FYB2: variants seen among roughly 807,000 people sequenced by gnomAD.
The protein encoded by FYB2 is FYN-binding protein 2.
Under a neutral mutation model 94.1 loss-of-function variants are expected in FYB2, and 103 were observed. That is an observed-to-expected ratio of 1.09 (90% CI 0.93 to 1.29). The LOEUF (loss-of-function observed/expected upper bound fraction) is 1.29. Among genes scored for constraint, FYB2 ranks in the 50% most tolerant of loss-of-function variants. FYB2 has a pLI of 0.00. For synonymous variants in FYB2, 293 were observed against 287.9 expected (o/e 1.02, Z -0.18); for missense variants, 896 against 841.5 (o/e 1.06, Z -0.80).
intron 16 of FYB2, among the ~76,000 whole-genome samples, chr1:56,725,915 A>G (rs553267214): frequency 6.6e-6 from 1 of 152,054 alleles, no homozygotes; most frequent in Non-Finnish European, 1.5e-5. Context: ...TGTCCTAGCA[A>G]TTGAGAAGAT....
At chr1:56,740,348 A>G (rs999837822) in intron 13 of FYB2, among the ~76,000 whole-genome samples, 1 of 152,120 alleles carries the variant, frequency 6.6e-6, no homozygotes, top group Non-Finnish European at 1.5e-5. Flanking sequence ...TAGGGCCCCA[A>G]AAGCATAAAA....
At chr1:56,821,238 G>A (rs1557682578), upstream of FYB2, among the ~76,000 whole-genome samples, 1 of 152,194 alleles carries the variant, frequency 6.6e-6, no homozygotes, top group Non-Finnish European at 1.5e-5. Flanking sequence ...CCTCAGGCCA[G>A]CCTACACTGG....
At chr1:56,808,397 C>T (rs567615222) in intron 1 of FYB2, among the ~76,000 whole-genome samples, 26 of 152,264 alleles carry the variant, frequency 1.7e-4, no homozygotes, top group African/African-American at 4.8e-4. Flanking sequence ...TGTTTTCAGC[C>T]AAAATTGATG....
At chr1:56,793,287 T>C (rs1361705936) in intron 1 of FYB2, among the ~76,000 whole-genome samples, 1 of 152,204 alleles carries the variant, frequency 6.6e-6, no homozygotes, top group Non-Finnish European at 1.5e-5. Context: ...ACAATTTTCT[T>C]AGACCCTCCT....
Position 56,722,278 on chromosome 1 carries a change from C to T in FYB2, c.1974+1310G>A, listed in dbSNP as rs1392373278. Among the ~76,000 whole-genome samples, 5 of 152,154 alleles carry T rather than the reference C, an allele frequency of 3.3e-5. No individual in the cohort carries two copies. In the East Asian group the frequency reaches 9.6e-4, roughly 29 times the overall value. ...ATTTGTGTACATTCCTATTTTAGTTCATCTCAAAAAATATTTTATGCATGT... is the reference window on the plus strand; with the variant it reads ...ATTTGTGTACATTCCTATTTTAGTTTATCTCAAAAAATATTTTATGCATGT... On this transcript the variant is annotated intron_variant, in intron 17 of 19. Coordinates refer to ENST00000343433, the MANE Select transcript of FYB2 (RefSeq NM_001004303.5).
At chr1:56,732,593 T>C (rs1465366087) in intron 15 of FYB2, among the ~76,000 whole-genome samples, 1 of 152,116 alleles carries the variant, frequency 6.6e-6, no homozygotes, top group Non-Finnish European at 1.5e-5. Context: ...TACAAAGCTC[T>C]AGTAATCAAA....
At chr1:56,811,097 A>T (rs760649821) in intron 1 of FYB2, among the ~76,000 whole-genome samples, 11 of 152,138 alleles carry the variant, frequency 7.2e-5, no homozygotes, top group Non-Finnish European at 1.0e-4. Context: ...ATATTAAATC[A>T]TAGATGCTCT....
rs1276943097 is a variant in FYB2 at position 56,792,145 on chromosome 1, T to C, written c.668A>G (p.Lys223Arg). 1.2e-6 allele frequency: 2 copies of C among 1,614,032 alleles called. No individual in the cohort carries two copies. Among genetic ancestry groups the C allele is most frequent in the South Asian group, 1.1e-5 (1 of 91,036 alleles). Residue 223 changes from lysine to arginine, a missense_variant, in exon 2 of 20, where the codon AAA becomes AGA. Transcript: ENST00000343433. The part of the protein sequence containing the change: ...PSFVISQHIR[K>R]SWENPPPERS... ...CTCAGGAGGTGGGTTTTCCCAGCTT[T>C]TTCTGATATGTTGAGAAATTACAAA...
At chr1:56,775,446 C>T (rs1040997017) in intron 4 of FYB2, among the ~76,000 whole-genome samples, 1 of 152,122 alleles carries the variant, frequency 6.6e-6, no homozygotes, top group Non-Finnish European at 1.5e-5. Context: ...ATTCATAAGG[C>T]AGGCATGGGA....
At chr1:56,725,455 A>G (rs1557580863) in intron 16 of FYB2, among the ~76,000 whole-genome samples, 1 of 152,066 alleles carries the variant, frequency 6.6e-6, no homozygotes, top group East Asian at 1.9e-4. Flanking sequence ...TCTGTTGTAA[A>G]AAAATAAAAA....
At chr1:56,795,384 TG>T (rs1646372789) in intron 1 of FYB2, among the ~76,000 whole-genome samples, 2 of 152,212 alleles carry the variant, frequency 1.3e-5, no homozygotes, top group Admixed American at 1.3e-4. Context: ...CATCCGTCAA[TG>T]GAGAGTCAGA....
chr1:56,764,029 C>A (rs1645564746), intron 5 of FYB2, among the ~76,000 whole-genome samples: 1 of 151,766 alleles, frequency 6.6e-6, no homozygotes. Flanking sequence ...CAGCTCACTG[C>A]CACCTCTGCC....
intron 4 of FYB2, among the ~76,000 whole-genome samples, chr1:56,776,009 G>T (rs1345821317): frequency 1.3e-5 from 2 of 152,136 alleles, no homozygotes; most frequent in Non-Finnish European, 2.9e-5. Flanking sequence ...GGAAACTGAG[G>T]CTTGGAGATA....
intron 2 of FYB2, 139 bp from the exon 3 acceptor site, chr1:56,789,273 A>G: frequency 1.1e-6 from 1 of 940,138 alleles, no homozygotes; most frequent in Non-Finnish European, 1.6e-6. Flanking sequence ...TGATCAATAC[A>G]TAAACCTGAT....
rs533023002 is a variant in FYB2 at position 56,731,277 on chromosome 1, A to G, written c.1794-4694T>C. 4.9e-4 allele frequency among the ~76,000 whole-genome samples: 74 copies of G among 152,200 alleles called. 2 individuals are homozygous for G. The South Asian group carries it at 0.015, about 31-fold the overall frequency. On this transcript the variant is annotated intron_variant, in intron 15 of 19. Coordinates refer to ENST00000343433, the MANE Select transcript of FYB2 (RefSeq NM_001004303.5). ...ACCTGGATCTCAGACCTACCTCTGT[A>G]CTCAATAGCGTGGACAAGTTAGTTA...
At chr1:56,721,625 G>T (rs911487149) in intron 17 of FYB2, among the ~76,000 whole-genome samples, 4 of 151,552 alleles carry the variant, frequency 2.6e-5, no homozygotes, top group African/African-American at 9.7e-5. Flanking sequence ...GATCCACACT[G>T]CTTAGCTCGA....
At chr1:56,745,243 C>A (rs1041196506) in intron 9 of FYB2, among the ~76,000 whole-genome samples, 1 of 152,020 alleles carries the variant, frequency 6.6e-6, no homozygotes, top group South Asian at 2.1e-4. Context: ...TTTATGCCTT[C>A]ATTTTAAAAA....
At chr1:56,732,003 A>C (rs1644722384) in intron 15 of FYB2, 1 of 152,166 alleles carries the variant, frequency 6.6e-6, no homozygotes, top group Non-Finnish European at 1.5e-5. Flanking sequence ...GGCAAGAGAA[A>C]GAAATAAAGG....
At chr1:56,808,402 T>C (rs1646693555) in intron 1 of FYB2, among the ~76,000 whole-genome samples, 1 of 152,222 alleles carries the variant, frequency 6.6e-6, no homozygotes, top group African/African-American at 2.4e-5. Context: ...TCAGCCAAAA[T>C]TGATGCTTGA....
Sources: allele counts gnomAD v4.1 joint callset (sites outside exome capture counted in the v4.1 genomes callset), GRCh38; gene constraint gnomAD v4.1.1; transcripts MANE v1.5; gene names NCBI Gene and HGNC (gene_info 2026-07-23, HGNC 2026-07-21).